The following CCDC146 variants were observed in gnomAD, a reference collection of about 807,000 sequenced individuals.
The protein encoded by CCDC146 is coiled-coil domain containing 146, also known as coiled-coil domain-containing protein 146.
A neutral mutation model predicts 119.3 loss-of-function variants in CCDC146; 92 were observed. The observed-to-expected ratio is 0.77, with a 90% CI of 0.65 to 0.92. The LOEUF (loss-of-function observed/expected upper bound fraction) is 0.92, where lower values mean the gene tolerates loss of function less well. Among genes scored for constraint, CCDC146 ranks in the 40% least tolerant of loss-of-function variants. CCDC146 has a pLI of 0.00. For missense variants in CCDC146, 1,000 were observed against 1,103.0 expected (o/e 0.91, Z 1.32); for synonymous variants, 372 against 371.8 (o/e 1.00, Z -0.01).
intron 3 of CCDC146, among the ~76,000 whole-genome samples, chr7:77,239,850 C>G (rs1038181454): frequency 6.6e-6 from 1 of 152,162 alleles, no homozygotes; most frequent in Non-Finnish European, 1.5e-5. Flanking sequence ...CATCCTCTGA[C>G]AGATGTTTAG....
chr7:77,285,002 C>T (rs1348372611), intron 15 of CCDC146, among the ~76,000 whole-genome samples: 1 of 151,512 alleles, frequency 6.6e-6, no homozygotes, highest in Non-Finnish European at 1.5e-5. Flanking sequence ...TTTAAGTCTT[C>T]TCCCTTTTTT....
chr7:77,267,983 G>C (rs774169560), intron 9 of CCDC146, among the ~76,000 whole-genome samples: 11 of 152,214 alleles, frequency 7.2e-5, no homozygotes, highest in Admixed American at 1.3e-4. Context: ...TGCAGCAAGG[G>C]AGAACACACG....
At position 77,200,503 on chromosome 7, in the gene CCDC146, A is replaced by G. The variant is rs549700519; in HGVS notation, c.156+32679A>G. On this transcript the variant is annotated intron_variant, in intron 2 of 18. Transcript: ENST00000285871. ...AAGGACATAATTGTCTTTCATCAAA[A>G]CCAGTAGCTGCCTCCTTTGCCCTTC... Among the ~76,000 whole-genome samples the G allele has an allele frequency of 4.6e-5, 7 of 152,346 alleles. No individual in the cohort carries two copies. The East Asian group carries it at 1.3e-3, about 29-fold the overall frequency.
intron 1 of CCDC146, among the ~76,000 whole-genome samples, chr7:77,147,371 C>T (rs1009218960): frequency 3.9e-5 from 6 of 152,304 alleles, no homozygotes; most frequent in East Asian, 1.9e-4. Flanking sequence ...TCCTTTAGCT[C>T]GGAGAAGTTT....
chr7:77,277,548 C>G (rs990337233), intron 11 of CCDC146, among the ~76,000 whole-genome samples: 1 of 152,100 alleles, frequency 6.6e-6, no homozygotes, highest in Non-Finnish European at 1.5e-5. Context: ...AGAAGGCAAT[C>G]TTTTATGTTC....
chr7:77,218,799 T>C (rs1792347099), intron 2 of CCDC146, among the ~76,000 whole-genome samples: 1 of 151,998 alleles, frequency 6.6e-6, no homozygotes, highest in African/African-American at 2.4e-5. Context: ...CCCTAACTCC[T>C]GGGCTCAAGT....
intron 3 of CCDC146, among the ~76,000 whole-genome samples, chr7:77,241,393 A>G (rs59389739): frequency 0.14 from 11,204 of 78,052 alleles, 3,317 homozygotes; most frequent in African/African-American, 0.27. Flanking sequence ...CAGGTATTCT[A>G]TAGAGCATTT....
chr7:77,169,254 C>T (rs1254272846), intron 2 of CCDC146, among the ~76,000 whole-genome samples: 1 of 152,128 alleles, frequency 6.6e-6, no homozygotes, highest in African/African-American at 2.4e-5. Flanking sequence ...TCGTATCCTT[C>T]TCAAGTGTCT....
chr7:77,281,611 C>T (rs1793766183), intron 14 of CCDC146, among the ~76,000 whole-genome samples: 1 of 152,130 alleles, frequency 6.6e-6, no homozygotes, highest in Admixed American at 6.5e-5. Flanking sequence ...AACATTGTTC[C>T]TGGCTTCTGT....
rs141796144 is a variant in CCDC146, at chr7:77,200,112, G to A, written c.156+32288G>A. ...TTCTAAAGTAATTTGGTATACTTACGCTTGAAGTAAATAATTATACGTAAC... is the reference window on the plus strand; with the variant it reads ...TTCTAAAGTAATTTGGTATACTTACACTTGAAGTAAATAATTATACGTAAC... On this transcript the variant is annotated intron_variant, in intron 2 of 18. Coordinates refer to ENST00000285871, the MANE Select transcript of CCDC146 (RefSeq NM_020879.3). Among the ~76,000 whole-genome samples, 513 of 152,256 alleles carry A rather than the reference G, an allele frequency of 3.4e-3. 3 individuals carry two copies. The highest frequency in any genetic ancestry group is 0.012 in the African/African-American group (489 of 41,570).
intron 1 of CCDC146, among the ~76,000 whole-genome samples, chr7:77,162,517 C>T (rs1346163560): frequency 6.6e-6 from 1 of 152,174 alleles, no homozygotes; most frequent in East Asian, 1.9e-4. Context: ...AATGCCAGCA[C>T]CATACTGTTT....
chr7:77,197,467 G>A (rs1274792677), intron 2 of CCDC146, among the ~76,000 whole-genome samples: 1 of 152,208 alleles, frequency 6.6e-6, no homozygotes, highest in Non-Finnish European at 1.5e-5. Context: ...CACTAACTCA[G>A]ATCTGGCTGG....
At chr7:77,147,233 G>T (rs975204571) in intron 1 of CCDC146, among the ~76,000 whole-genome samples, 1 of 152,154 alleles carries the variant, frequency 6.6e-6, no homozygotes, top group Non-Finnish European at 1.5e-5. Context: ...TCATCATGTA[G>T]TTCTCATGCC....
At chr7:77,218,209 C>A (rs1484371516) in intron 2 of CCDC146, among the ~76,000 whole-genome samples, 1 of 151,800 alleles carries the variant, frequency 6.6e-6, no homozygotes, top group East Asian at 1.9e-4. Context: ...CAGCACATGA[C>A]TGTATGTAGG....
At chr7:77,205,074 T>C (rs1306022442) in intron 2 of CCDC146, among the ~76,000 whole-genome samples, 1 of 152,192 alleles carries the variant, frequency 6.6e-6, no homozygotes, top group Non-Finnish European at 1.5e-5. Context: ...TTGAGATTGA[T>C]CTTAAGCTTC....
intron 2 of CCDC146, among the ~76,000 whole-genome samples, chr7:77,176,424 G>T (rs1226909550): frequency 6.6e-6 from 1 of 151,012 alleles, no homozygotes; most frequent in African/African-American, 2.5e-5. Context: ...CTGAGTGGAT[G>T]GAGTGGGTGA....
At chr7:77,147,869 G>A (rs1791046480) in intron 1 of CCDC146, among the ~76,000 whole-genome samples, 1 of 152,248 alleles carries the variant, frequency 6.6e-6, no homozygotes, top group Non-Finnish European at 1.5e-5. Flanking sequence ...GGACCCACTT[G>A]ACGAGGCAGT....
intron 2 of CCDC146, among the ~76,000 whole-genome samples, chr7:77,224,662 G>T (rs1001293696): frequency 1.3e-5 from 2 of 152,202 alleles, no homozygotes; most frequent in African/African-American, 4.8e-5. Flanking sequence ...GGGAGATAGA[G>T]GGAGGAGACA....
chr7:77,246,112 G>C (rs937463748), intron 4 of CCDC146, among the ~76,000 whole-genome samples: 1 of 152,134 alleles, frequency 6.6e-6, no homozygotes, highest in African/African-American at 2.4e-5. Context: ...AGGACCGTGG[G>C]TTCCAAAGGT....
Sources: gnomAD v4.1 joint callset for allele counts (sites outside exome capture counted in the v4.1 genomes callset) on GRCh38, gnomAD v4.1.1 for gene constraint, MANE v1.5 for transcripts, NCBI Gene and HGNC (gene_info 2026-07-23, HGNC 2026-07-21) for gene names.